The following ACOXL variants were observed in gnomAD, a reference collection of about 807,000 sequenced individuals.
ACOXL encodes the protein acyl-coenzyme A oxidase-like protein.
In ACOXL, 70 loss-of-function variants were observed where a neutral mutation model predicts 71.9. The observed-to-expected ratio is 0.97, with a 90% CI of 0.80 to 1.19. The LOEUF is 1.19. Among genes scored for constraint, ACOXL ranks in the 50% most tolerant of loss-of-function variants. ACOXL has a pLI of 0.00. For missense variants in ACOXL, 703 were observed against 736.3 expected (o/e 0.95, Z 0.52); for synonymous variants, 253 against 281.6 (o/e 0.90, Z 1.02).
intron 14 of ACOXL, among the ~76,000 whole-genome samples, chr2:111,016,040 C>T (rs2064415178): frequency 6.6e-6 from 1 of 152,100 alleles, no homozygotes; most frequent in Non-Finnish European, 1.5e-5. Flanking sequence ...TCAGGCAATC[C>T]TCCTGCGTCA....
chr2:110,853,025 C>T (rs1438790459), intron 10 of ACOXL, among the ~76,000 whole-genome samples: 4 of 152,200 alleles, frequency 2.6e-5, no homozygotes, highest in African/African-American at 9.7e-5. Flanking sequence ...CAATGTTCCT[C>T]CTCCAGAGAA....
intron 1 of ACOXL, among the ~76,000 whole-genome samples, chr2:110,747,927 C>T (rs1242902397): frequency 3.3e-5 from 5 of 152,144 alleles, no homozygotes; most frequent in Non-Finnish European, 2.9e-5. Context: ...CCACATATGC[C>T]CCTCTTATTG....
intron 14 of ACOXL, among the ~76,000 whole-genome samples, chr2:111,018,240 C>T (rs945371933): frequency 6.6e-5 from 10 of 151,464 alleles, no homozygotes; most frequent in African/African-American, 1.9e-4. Flanking sequence ...GAGGGAGCAG[C>T]GGGGAGGGAG....
intron 10 of ACOXL, among the ~76,000 whole-genome samples, chr2:110,871,234 C>T (rs530828430): frequency 5.3e-4 from 81 of 152,226 alleles, no homozygotes; most frequent in African/African-American, 1.9e-3. Context: ...CCATGGGGAT[C>T]TGGCTTTGTT....
intron 10 of ACOXL, among the ~76,000 whole-genome samples, chr2:110,898,122 C>A (rs1267302387): frequency 6.6e-6 from 1 of 152,056 alleles, no homozygotes; most frequent in Non-Finnish European, 1.5e-5. Flanking sequence ...AGAAAATCTC[C>A]AGGCCAGATG....
At chr2:110,963,527 A>T (rs1388455398) in intron 12 of ACOXL, 2 of 1,387,054 alleles carry the variant, frequency 1.4e-6, no homozygotes, top group African/African-American at 1.5e-5. Flanking sequence ...TTTAAAGAAA[A>T]TGTGAGTCCT....
At chr2:110,798,494 G>A (rs578239435) in intron 5 of ACOXL, 116 bp from the exon 6 acceptor site, 1 of 748,856 alleles carries the variant, frequency 1.3e-6, no homozygotes, top group South Asian at 1.6e-5. Flanking sequence ...CTGACCTCGT[G>A]ATCCACCCAC....
At chr2:110,850,128 C>T (rs2148923574) in intron 10 of ACOXL, among the ~76,000 whole-genome samples, 1 of 152,262 alleles carries the variant, frequency 6.6e-6, no homozygotes, top group South Asian at 2.1e-4. Flanking sequence ...GGATCATGAA[C>T]CTAAATGTAA....
chr2:110,978,609 T>C (rs2062564336), intron 12 of ACOXL, among the ~76,000 whole-genome samples: 1 of 152,148 alleles, frequency 6.6e-6, no homozygotes, highest in African/African-American at 2.4e-5. Flanking sequence ...TTGAATCTTA[T>C]TGGTTTTGTA....
chr2:110,901,257 A>G (rs375421013), intron 10 of ACOXL, among the ~76,000 whole-genome samples: 9 of 152,300 alleles, frequency 5.9e-5, no homozygotes, highest in African/African-American at 1.7e-4. Flanking sequence ...CTGAAGAGCT[A>G]CACTCTCTGG....
rs777839471 is a variant in ACOXL, at chr2:110,794,194, C to A, written c.345+20C>A. 2 of 1,611,924 alleles carry A rather than the reference C, an allele frequency of 1.2e-6. No individual in the cohort carries two copies. Among genetic ancestry groups the A allele is most frequent in the East Asian group, 4.5e-5 (2 of 44,872 alleles). ...GCCCAGGTGAGGAATCCATCCTTCT[C>A]CTGCCGTGCAGGGGAGCTGGAAACC... is the stretch of plus-strand genomic sequence containing the variant. On this transcript the variant is annotated intron_variant, in intron 5 of 17. Transcript: ENST00000439055.
intron 11 of ACOXL, among the ~76,000 whole-genome samples, chr2:110,928,116 C>T (rs1473990135): frequency 6.6e-6 from 1 of 152,182 alleles, no homozygotes; most frequent in Admixed American, 6.5e-5. Flanking sequence ...CAGCACTGTC[C>T]CTGCTGCTAT....
chr2:110,769,875 A>C (rs1030035803), intron 2 of ACOXL, among the ~76,000 whole-genome samples: 1 of 151,858 alleles, frequency 6.6e-6, no homozygotes, highest in Non-Finnish European at 1.5e-5. Context: ...CAAAAACCCC[A>C]AAACACTAAA....
intron 11 of ACOXL, among the ~76,000 whole-genome samples, chr2:110,920,228 G>T (rs1265544192): frequency 6.6e-6 from 1 of 152,160 alleles, no homozygotes; most frequent in Non-Finnish European, 1.5e-5. Flanking sequence ...GCCAGCCATT[G>T]TTATTGTCAG....
At chr2:111,078,107 C>T (rs902898193) in intron 16 of ACOXL, among the ~76,000 whole-genome samples, 2 of 152,078 alleles carry the variant, frequency 1.3e-5, no homozygotes, top group African/African-American at 4.8e-5. Context: ...TCTATTTTCT[C>T]TCTGTTGTTC....
chr2:110,991,682 CT>C (rs34224917), intron 13 of ACOXL, among the ~76,000 whole-genome samples: 4 of 151,196 alleles, frequency 2.6e-5, no homozygotes, highest in African/African-American at 7.3e-5. Flanking sequence ...TGTTATCTGT[CT>C]TTTTTTTTCC....
chr2:110,956,268 GAGGACAGGGCCATGGCTGT>G (rs970532778), intron 12 of ACOXL, among the ~76,000 whole-genome samples: 5 of 152,098 alleles, frequency 3.3e-5, no homozygotes, highest in Non-Finnish European at 7.4e-5. Context: ...TCTCTCTCAT[GAGGACAGGGCCATGGCTGT>G]AGTTCACTAT....
At chr2:111,102,536 A>C (rs1314390334) in intron 17 of ACOXL, among the ~76,000 whole-genome samples, 1 of 152,128 alleles carries the variant, frequency 6.6e-6, no homozygotes, top group Non-Finnish European at 1.5e-5. Flanking sequence ...AAGTGCTGGG[A>C]AATTGGGTGC....
At chr2:110,826,704 A>G (rs907788786) in intron 9 of ACOXL, among the ~76,000 whole-genome samples, 1 of 151,210 alleles carries the variant, frequency 6.6e-6, no homozygotes, top group Admixed American at 6.6e-5. Context: ...AGACATCCAG[A>G]CATCCTTCTG....
Sources: allele counts gnomAD v4.1 joint callset (sites outside exome capture counted in the v4.1 genomes callset), GRCh38; gene constraint gnomAD v4.1.1; transcripts MANE v1.5; gene names NCBI Gene and HGNC (gene_info 2026-07-23, HGNC 2026-07-21).